Variants in FBXL7 observed in about 807,000 individuals in gnomAD.
The protein encoded by FBXL7 is F-box and leucine rich repeat protein 7, also known as F-box/LRR-repeat protein 7.
FBXL7 carries 12 observed loss-of-function variants against 38.3 expected under a neutral mutation model. The observed-to-expected ratio is 0.31, with a 90% CI of 0.20 to 0.51. The LOEUF (loss-of-function observed/expected upper bound fraction) is 0.51. Among genes scored for constraint, FBXL7 ranks in the 20% least tolerant of loss-of-function variants. The probability of loss-of-function intolerance (pLI) is 0.98; values close to 1 mark genes in which losing one functional copy is unlikely to be tolerated. For missense variants in FBXL7, 567 were observed against 676.4 expected (o/e 0.84, Z 1.79); for synonymous variants, 297 against 300.9 (o/e 0.99, Z 0.13).
intron 1 of FBXL7, among the ~76,000 whole-genome samples, chr5:15,565,960 T>C (rs1427852675): frequency 2.0e-5 from 3 of 152,140 alleles, no homozygotes; most frequent in South Asian, 4.1e-4. Context: ...ATATAATGTC[T>C]GACCAAACCT....
chr5:15,657,182 C>T (rs116033863), intron 2 of FBXL7, among the ~76,000 whole-genome samples: 3,673 of 152,114 alleles, frequency 0.024, 58 homozygotes, highest in Middle Eastern at 0.048. Flanking sequence ...TAATGCAGTT[C>T]CAATCAGAAT....
intron 2 of FBXL7, among the ~76,000 whole-genome samples, chr5:15,654,559 T>C (rs1330306206): frequency 6.6e-6 from 1 of 152,202 alleles, no homozygotes; most frequent in Non-Finnish European, 1.5e-5. Context: ...CTATTACTAA[T>C]GGGTCATTTT....
At position 15,928,243 on chromosome 5, in the gene FBXL7, G is replaced by C. The variant is rs1321154034; in HGVS notation, c.481G>C (p.Gly161Arg). 1 of 1,611,472 alleles carries C rather than the reference G, an allele frequency of 6.2e-7. No homozygotes were observed. Among genetic ancestry groups the C allele is most frequent in the African/African-American group, 1.3e-5 (1 of 74,848 alleles). The change falls in exon 3 of 4, where the codon GGC (glycine) becomes CGC (arginine). Residue 161 changes from glycine to arginine, a missense_variant. Coordinates refer to ENST00000504595, the MANE Select transcript of FBXL7 (RefSeq NM_012304.5). The surrounding 1 kb of genome is among the most constrained non-coding windows in gnomAD (Gnocchi z 4.0). The stretch of plus-strand genomic sequence containing the variant: ...GCTCTGGAGGACTATCCGCCTGACG[G>C]GCGAGACCATCAACGTGGACCGCGC... ...PRLWRTIRLT[G>R]ETINVDRALK...
chr5:15,616,086 C>A lies in FBXL7; in HGVS notation c.127+14C>A. 1.3e-6 allele frequency: 2 copies of A among 1,571,936 alleles called. No individual in the cohort carries two copies. Among genetic ancestry groups the A allele is most frequent in the South Asian group, 1.1e-5 (1 of 90,020 alleles). ...CTACCAGCGAAGGTAGGCAGCTGGTCTTCATTATCTCTCTTTCTTCTTCAC... is the reference window on the plus strand; with the variant it reads ...CTACCAGCGAAGGTAGGCAGCTGGTATTCATTATCTCTCTTTCTTCTTCAC... On this transcript the variant is annotated intron_variant, in intron 2 of 3. Coordinates refer to ENST00000504595, the MANE Select transcript of FBXL7 (RefSeq NM_012304.5).
At chr5:15,864,616 CAGAGAAGA>C (rs1739626170) in intron 2 of FBXL7, among the ~76,000 whole-genome samples, 3 of 152,094 alleles carry the variant, frequency 2.0e-5, no homozygotes, top group Non-Finnish European at 4.4e-5. Flanking sequence ...TTAGGTCTCT[CAGAGAAGA>C]GTAACCAAAC....
At chr5:15,550,606 A>T (rs1458646442) in intron 1 of FBXL7, among the ~76,000 whole-genome samples, 1 of 152,252 alleles carries the variant, frequency 6.6e-6, no homozygotes, top group African/African-American at 2.4e-5. Flanking sequence ...GCTGCTGAAT[A>T]GCCAGAGGTA....
chr5:15,927,764 TAAAAAAA>T (rs753935096), intron 2 of FBXL7, 119 bp from the exon 3 acceptor site: 109,726 of 455,616 alleles, frequency 0.24, 4,316 homozygotes, highest in Middle Eastern at 0.29. Context: ...GACAAGATCT[TAAAAAAA>T]AAAAAAAAAA....
At chr5:15,756,804 T>G (rs1393734721) in intron 2 of FBXL7, among the ~76,000 whole-genome samples, 1 of 152,180 alleles carries the variant, frequency 6.6e-6, no homozygotes, top group Non-Finnish European at 1.5e-5. Flanking sequence ...AAAGTTTTCA[T>G]GGATCCAAGC....
At chr5:15,611,351 G>A (rs1178213596) in intron 1 of FBXL7, among the ~76,000 whole-genome samples, 1 of 132,244 alleles carries the variant, frequency 7.6e-6, no homozygotes, top group African/African-American at 2.8e-5. Flanking sequence ...TTTTCTTGCT[G>A]TTTTCATTAA....
chr5:15,847,356 A>G (rs1296877365), intron 2 of FBXL7, among the ~76,000 whole-genome samples: 1 of 152,174 alleles, frequency 6.6e-6, no homozygotes, highest in Non-Finnish European at 1.5e-5. Context: ...TAAAACCATC[A>G]GATCTCATGA....
intron 2 of FBXL7, among the ~76,000 whole-genome samples, chr5:15,861,196 T>C (rs1018453967): frequency 6.6e-6 from 1 of 152,196 alleles, no homozygotes; most frequent in African/African-American, 2.4e-5. Flanking sequence ...CATCACACTT[T>C]CTTATAATTC....
In FBXL7 at chr5:15,764,571, G is replaced by A. The variant is rs76984777; in HGVS notation, c.127+148499G>A. Among the ~76,000 whole-genome samples, 733 of 152,320 alleles carry A rather than the reference G, an allele frequency of 4.8e-3. 4 individuals carry two copies. Among genetic ancestry groups the A allele is most frequent in the African/African-American group, 0.017 (688 of 41,574 alleles). ...TAGGAGTTAGTACCTCAGAAACTCC[G>A]AGGGGGGCTTAAGAACAGGAGCATC... is the stretch of plus-strand genomic sequence containing the variant. On this transcript the variant is annotated intron_variant, in intron 2 of 3. Coordinates refer to ENST00000504595, the MANE Select transcript of FBXL7 (RefSeq NM_012304.5).
intron 2 of FBXL7, among the ~76,000 whole-genome samples, chr5:15,619,802 T>G (rs1215619445): frequency 6.6e-6 from 1 of 152,224 alleles, no homozygotes; most frequent in African/African-American, 2.4e-5. Flanking sequence ...AGTGTTGGCC[T>G]TTTCCCTGAT....
At chr5:15,586,709 G>A (rs1381692187) in intron 1 of FBXL7, among the ~76,000 whole-genome samples, 1 of 152,124 alleles carries the variant, frequency 6.6e-6, no homozygotes, top group African/African-American at 2.4e-5. Flanking sequence ...ACTGAGTCTT[G>A]CAGCTCTCAA....
intron 2 of FBXL7, among the ~76,000 whole-genome samples, chr5:15,924,939 G>A (rs3935972): frequency 0.44 from 67,049 of 152,062 alleles, 16,587 homozygotes; most frequent in African/African-American, 0.66. Flanking sequence ...GGCTAGTGAG[G>A]CATGTTCTCC....
At chr5:15,933,270 A>G (rs1442811492) in intron 3 of FBXL7, among the ~76,000 whole-genome samples, 1 of 152,218 alleles carries the variant, frequency 6.6e-6, no homozygotes, top group African/African-American at 2.4e-5. Context: ...CTAAACAAGT[A>G]TTTCATTAAA....
intron 2 of FBXL7, among the ~76,000 whole-genome samples, chr5:15,741,941 T>A (rs1735904257): frequency 6.6e-6 from 1 of 152,052 alleles, no homozygotes; most frequent in African/African-American, 2.4e-5. Context: ...GTGGTTACTG[T>A]TAGATTGGAG....
intron 2 of FBXL7, among the ~76,000 whole-genome samples, chr5:15,824,055 A>G (rs1171123360): frequency 6.6e-6 from 1 of 152,002 alleles, no homozygotes; most frequent in Non-Finnish European, 1.5e-5. Context: ...AGGCGGGCGG[A>G]TCACTTGAGG....
At chr5:15,570,404 G>C (rs7725209) in intron 1 of FBXL7, among the ~76,000 whole-genome samples, 1 of 152,110 alleles carries the variant, frequency 6.6e-6, no homozygotes, top group Non-Finnish European at 1.5e-5. Context: ...TTCTCTGATC[G>C]TAGTTTGTAT....
Sources: allele counts gnomAD v4.1 joint callset (sites outside exome capture counted in the v4.1 genomes callset), GRCh38; gene constraint gnomAD v4.1.1; non-coding constraint Gnocchi (gnomAD v3.1); transcripts MANE v1.5; gene names NCBI Gene and HGNC (gene_info 2026-07-23, HGNC 2026-07-21).